Variants in PLCB1 observed in about 807,000 individuals in gnomAD.
PLCB1 encodes the protein 1-phosphatidylinositol 4,5-bisphosphate phosphodiesterase beta-1.
PLCB1 carries 46 observed loss-of-function variants against 161.8 expected under a neutral mutation model. That is an observed-to-expected ratio of 0.28 (90% confidence interval 0.22 to 0.36). The LOEUF is 0.36. Among genes scored for constraint, PLCB1 ranks in the 10% least tolerant of loss-of-function variants. The pLI is 1.00. For missense variants in PLCB1, 1,016 were observed against 1,472.5 expected (o/e 0.69, Z 5.07); for synonymous variants, 517 against 503.7 (o/e 1.03, Z -0.35).
intron 1 of PLCB1, among the ~76,000 whole-genome samples, chr20:8,136,933 A>C (rs1031012617): frequency 1.3e-5 from 2 of 152,170 alleles, no homozygotes; most frequent in African/African-American, 4.8e-5. Flanking sequence ...TTCCATATAA[A>C]ATATATTTAT....
intron 3 of PLCB1, among the ~76,000 whole-genome samples, chr20:8,589,403 A>G (rs1430769519): frequency 5.9e-5 from 9 of 152,158 alleles, no homozygotes. Flanking sequence ...TTGGGCTGGT[A>G]TAACAAATTA....
chr20:8,460,916 C>T (rs1018712612), intron 3 of PLCB1, among the ~76,000 whole-genome samples: 2 of 152,132 alleles, frequency 1.3e-5, no homozygotes, highest in African/African-American at 2.4e-5. Context: ...GGCAAGTCTC[C>T]AAAGCAGTGC....
chr20:8,159,305 A>G (rs764606771), intron 2 of PLCB1, among the ~76,000 whole-genome samples: 7 of 152,090 alleles, frequency 4.6e-5, no homozygotes, highest in Non-Finnish European at 1.0e-4. Flanking sequence ...CCCATGTTCT[A>G]TATTGGCCCC....
intron 4 of PLCB1, among the ~76,000 whole-genome samples, chr20:8,629,169 T>C (rs929011338): frequency 6.6e-6 from 1 of 152,102 alleles, no homozygotes; most frequent in Non-Finnish European, 1.5e-5. Flanking sequence ...TAGCCCACCA[T>C]AATCCATGTA....
chr20:8,777,333 G>A (rs1386692409), intron 27 of PLCB1, among the ~76,000 whole-genome samples: 1 of 152,164 alleles, frequency 6.6e-6, no homozygotes, highest in Non-Finnish European at 1.5e-5. Context: ...CCGTCCCAAA[G>A]TTCAGGCCAA....
intron 2 of PLCB1, among the ~76,000 whole-genome samples, chr20:8,233,769 A>C (rs1192207818): frequency 6.6e-6 from 1 of 152,124 alleles, no homozygotes; most frequent in Non-Finnish European, 1.5e-5. Flanking sequence ...ACCCAAGGCT[A>C]ATCTTCTGGC....
chr20:8,411,057 C>G (rs1195924689), intron 3 of PLCB1, among the ~76,000 whole-genome samples: 1 of 152,158 alleles, frequency 6.6e-6, no homozygotes, highest in Non-Finnish European at 1.5e-5. Context: ...TTTAAACCAC[C>G]AAGTATGTGG....
chr20:8,784,173 T>A (rs1040267801), intron 27 of PLCB1, among the ~76,000 whole-genome samples: 1 of 152,216 alleles, frequency 6.6e-6, no homozygotes, highest in African/African-American at 2.4e-5. Context: ...ATCATAATAT[T>A]AATTATTCTG....
chr20:8,550,615 A>G (rs1226473929), intron 3 of PLCB1, among the ~76,000 whole-genome samples: 1 of 152,148 alleles, frequency 6.6e-6, no homozygotes, highest in Non-Finnish European at 1.5e-5. Flanking sequence ...ATTTCTTCAT[A>G]GCAGCATAAG....
At chr20:8,567,480 A>G (rs111292677) in intron 3 of PLCB1, among the ~76,000 whole-genome samples, 1 of 152,128 alleles carries the variant, frequency 6.6e-6, no homozygotes, top group Non-Finnish European at 1.5e-5. Flanking sequence ...GTATTCTCCA[A>G]TACATCAAGA....
At chr20:8,220,880 T>C (rs1979370484) in intron 2 of PLCB1, among the ~76,000 whole-genome samples, 1 of 152,186 alleles carries the variant, frequency 6.6e-6, no homozygotes, top group African/African-American at 2.4e-5. Flanking sequence ...GAAATTTGCC[T>C]CGTGTCCTGG....
intron 3 of PLCB1, among the ~76,000 whole-genome samples, chr20:8,514,493 C>A (rs1025340640): frequency 2.5e-4 from 37 of 145,280 alleles, no homozygotes; most frequent in African/African-American, 8.9e-4. Context: ...GGCAACATGG[C>A]AAAACTCCAT....
At chr20:8,762,027 A>G (rs1323246476) in intron 25 of PLCB1, among the ~76,000 whole-genome samples, 2 of 151,524 alleles carry the variant, frequency 1.3e-5, no homozygotes, top group African/African-American at 2.4e-5. Flanking sequence ...CCTGACCAAC[A>G]TGGAGAAACC....
At chr20:8,759,190 T>C (rs1047615136) in intron 24 of PLCB1, among the ~76,000 whole-genome samples, 1 of 152,134 alleles carries the variant, frequency 6.6e-6, no homozygotes, top group Non-Finnish European at 1.5e-5. Context: ...TCCCCATGAT[T>C]AGGTTGAGGG....
At chr20:8,465,385 C>T (rs1363201399) in intron 3 of PLCB1, among the ~76,000 whole-genome samples, 5 of 151,798 alleles carry the variant, frequency 3.3e-5, no homozygotes, top group Non-Finnish European at 7.4e-5. Context: ...TTTTTTCCTT[C>T]ACTTAGTGCT....
chr20:8,748,256 T>G (rs1164267092), intron 23 of PLCB1, among the ~76,000 whole-genome samples: 1 of 152,192 alleles, frequency 6.6e-6, no homozygotes, highest in Non-Finnish European at 1.5e-5. Flanking sequence ...TTGGATGCCT[T>G]GGATAAAACT....
At chr20:8,584,172 G>A (rs1986915783) in intron 3 of PLCB1, among the ~76,000 whole-genome samples, 1 of 151,970 alleles carries the variant, frequency 6.6e-6, no homozygotes, top group African/African-American at 2.4e-5. Context: ...TTTTAAATGA[G>A]GACGGTCATA....
chr20:8,659,729 C>T (rs912747508), intron 9 of PLCB1, among the ~76,000 whole-genome samples: 1 of 152,032 alleles, frequency 6.6e-6, no homozygotes, highest in African/African-American at 2.4e-5. Context: ...CTGTGGCTCA[C>T]GTCTGTAATC....
At chr20:8,513,468 T>C (rs1983978666) in intron 3 of PLCB1, among the ~76,000 whole-genome samples, 1 of 152,210 alleles carries the variant, frequency 6.6e-6, no homozygotes, top group Admixed American at 6.5e-5. Context: ...TTTTACAGTA[T>C]AAACAATTAT....
Sources: gnomAD v4.1 joint callset for allele counts (sites outside exome capture counted in the v4.1 genomes callset) on GRCh38, gnomAD v4.1.1 for gene constraint, MANE v1.5 for transcripts, NCBI Gene and HGNC (gene_info 2026-07-23, HGNC 2026-07-21) for gene names.